The following RGSL1 variants were observed in gnomAD, a reference collection of about 807,000 sequenced individuals.
RGSL1 encodes the protein regulator of G protein signaling like 1.
In RGSL1, 97 loss-of-function variants were observed where a neutral mutation model predicts 124.7. The observed-to-expected ratio is 0.78, with a 90% CI of 0.66 to 0.92. RGSL1 has a LOEUF of 0.92. Among genes scored for constraint, RGSL1 ranks in the 40% least tolerant of loss-of-function variants. The pLI is 0.00. For synonymous variants in RGSL1, 424 were observed against 438.1 expected (o/e 0.97, Z 0.40); for missense variants, 1,233 against 1,288.4 (o/e 0.96, Z 0.66).
At chr1:182,518,157 T>TGCCTCC (rs2102224850) in intron 9 of RGSL1, among the ~76,000 whole-genome samples, 2 of 152,160 alleles carry the variant, frequency 1.3e-5, no homozygotes, top group Non-Finnish European at 2.9e-5. Flanking sequence ...CTCCTGCCTC[T>TGCCTCC]GCCTCCCAAG....
rs185831766 is a variant in RGSL1, at chr1:182,516,274, G to A, written c.1826-5730G>A. Among the ~76,000 whole-genome samples the A allele has an allele frequency of 2.1e-3, 324 of 152,302 alleles. 2 individuals carry two copies. The highest frequency in any genetic ancestry group is 6.5e-3 in the Admixed American group (99 of 15,302). ...GTCGTGGGTTTCCAGGCTTGGGAGCGGGCCCTTTGCCAGGGAACTGCCCTC... is the reference window on the plus strand; with the variant it reads ...GTCGTGGGTTTCCAGGCTTGGGAGCAGGCCCTTTGCCAGGGAACTGCCCTC... On this transcript the variant is annotated intron_variant, in intron 9 of 21. Transcript: ENST00000294854.
chr1:182,500,057 CT>C (rs1476194735), intron 9 of RGSL1, among the ~76,000 whole-genome samples: 1 of 152,074 alleles, frequency 6.6e-6, no homozygotes, highest in African/African-American at 2.4e-5. Context: ...TTTGCTCGTG[CT>C]TTTAGTGTCA....
intron 6 of RGSL1, among the ~76,000 whole-genome samples, chr1:182,476,272 A>T (rs2102049113): frequency 1.3e-5 from 2 of 152,306 alleles, no homozygotes; most frequent in Admixed American, 1.3e-4. Context: ...GGATCAGCAG[A>T]TTCTCACAGC....
intron 14 of RGSL1, among the ~76,000 whole-genome samples, chr1:182,538,362 T>C (rs1659677950): frequency 6.6e-6 from 1 of 152,060 alleles, no homozygotes. Context: ...ACTCCGTCTC[T>C]ACTAACAGTA....
At chr1:182,491,352 A>G (rs1655510746) in intron 8 of RGSL1, among the ~76,000 whole-genome samples, 1 of 151,946 alleles carries the variant, frequency 6.6e-6, no homozygotes, top group South Asian at 2.1e-4. Flanking sequence ...AGTAGCTGGG[A>G]TTACAGGCAC....
At chr1:182,549,534 T>C (rs188881913) in intron 17 of RGSL1, 1 of 152,396 alleles carries the variant, frequency 6.6e-6, no homozygotes, top group East Asian at 1.9e-4. Context: ...ATTCCTGTGG[T>C]CTGCCAGAGT....
chr1:182,497,381 G>C (rs1178658887), intron 9 of RGSL1, among the ~76,000 whole-genome samples: 1 of 147,526 alleles, frequency 6.8e-6, no homozygotes, highest in Non-Finnish European at 1.5e-5. Flanking sequence ...TATCTGTCAG[G>C]AGATATATAT....
intron 14 of RGSL1, among the ~76,000 whole-genome samples, chr1:182,533,504 C>G (rs1659335778): frequency 6.8e-6 from 1 of 147,496 alleles, no homozygotes; most frequent in African/African-American, 2.6e-5. Flanking sequence ...CAGTAGTGAA[C>G]AGTAGTGAGC....
At chr1:182,526,548 C>T (rs1350436488) in intron 10 of RGSL1, among the ~76,000 whole-genome samples, 2 of 151,852 alleles carry the variant, frequency 1.3e-5, no homozygotes, top group Admixed American at 6.6e-5. Context: ...GTGGTGCACA[C>T]CTGTAGTTAC....
At chr1:182,513,233 G>C (rs1267578212) in intron 9 of RGSL1, among the ~76,000 whole-genome samples, 1 of 152,208 alleles carries the variant, frequency 6.6e-6, no homozygotes, top group African/African-American at 2.4e-5. Flanking sequence ...ACTTCCTGCT[G>C]ACAGGGGGCA....
chr1:182,545,689 G>A (rs1408683593), intron 15 of RGSL1, among the ~76,000 whole-genome samples: 2 of 152,134 alleles, frequency 1.3e-5, no homozygotes, highest in Non-Finnish European at 1.5e-5. Flanking sequence ...CTCTTGGATG[G>A]TGGGTTTTTT....
chr1:182,473,435 T>C (rs1654011797), intron 5 of RGSL1, 140 bp from the exon 6 acceptor site: 1 of 941,514 alleles, frequency 1.1e-6, no homozygotes, highest in East Asian at 2.7e-5. Context: ...ATTTAAACTA[T>C]TCATACTCCA....
intron 4 of RGSL1, among the ~76,000 whole-genome samples, chr1:182,469,099 C>T (rs1403014571): frequency 6.6e-6 from 1 of 151,980 alleles, no homozygotes; most frequent in Non-Finnish European, 1.5e-5. Flanking sequence ...AAAATGTTCA[C>T]AACATTGGAT....
intron 14 of RGSL1, among the ~76,000 whole-genome samples, chr1:182,539,621 C>G (rs187109736): frequency 1.3e-5 from 2 of 152,272 alleles, no homozygotes; most frequent in Non-Finnish European, 2.9e-5. Context: ...TCAGATCCAG[C>G]CCATACCTGT....
intron 4 of RGSL1, among the ~76,000 whole-genome samples, chr1:182,461,298 C>A (rs866570712): frequency 8.6e-5 from 13 of 151,222 alleles, no homozygotes; most frequent in Non-Finnish European, 1.6e-4. Context: ...ATTCTTGGCA[C>A]AGAGATATCC....
Position 182,548,308 on chromosome 1 carries a change from C to T in RGSL1, c.2670-9C>T. 6.4e-7 allele frequency: 1 copy of T among 1,551,764 alleles called. No homozygotes were observed. The highest frequency in any genetic ancestry group is 8.7e-7 in the Non-Finnish European group (1 of 1,146,972). On this transcript the variant is annotated splice_polypyrimidine_tract_variant and intron_variant, in intron 15 of 21. Coordinates refer to ENST00000294854, the MANE Select transcript of RGSL1 (RefSeq NM_001137669.2). ...CCTCCTGATTTCCTACTTCACATTT[C>T]TTTTTTAGATTTAATGATCTGGTCA...
At chr1:182,496,706 T>C (rs141466871) in intron 9 of RGSL1, among the ~76,000 whole-genome samples, 50 of 152,334 alleles carry the variant, frequency 3.3e-4, no homozygotes, top group African/African-American at 1.2e-3. Flanking sequence ...CCCCCTAACA[T>C]CTGGCAGCCT....
chr1:182,490,613 C>A (rs1303111279), intron 8 of RGSL1, among the ~76,000 whole-genome samples: 2 of 152,062 alleles, frequency 1.3e-5, no homozygotes, highest in Non-Finnish European at 2.9e-5. Flanking sequence ...GAATCAAGAC[C>A]AAAGTAGATG....
chr1:182,552,171 G>A (rs1476398727), intron 18 of RGSL1, among the ~76,000 whole-genome samples: 1 of 151,836 alleles, frequency 6.6e-6, no homozygotes, highest in African/African-American at 2.4e-5. Flanking sequence ...TGGAGTGCAG[G>A]GGCGCAATCT....
Sources: allele counts gnomAD v4.1 joint callset (sites outside exome capture counted in the v4.1 genomes callset), GRCh38; gene constraint gnomAD v4.1.1; transcripts MANE v1.5; gene names NCBI Gene and HGNC (gene_info 2026-07-23, HGNC 2026-07-21).